The following WDFY3 variants were observed in gnomAD, a reference collection of about 807,000 sequenced individuals.
WDFY3 encodes WD repeat and FYVE domain containing 3.
WDFY3 carries 66 observed loss-of-function variants against 409.6 expected under a neutral mutation model. That is an observed-to-expected ratio of 0.16 (90% confidence interval 0.13 to 0.20). WDFY3 has a LOEUF of 0.20. WDFY3 is among the 10% of genes least tolerant of loss of function. WDFY3 has a pLI of 1.00. For synonymous variants in WDFY3, 1,521 were observed against 1,537.1 expected (o/e 0.99, Z 0.25); for missense variants, 3,031 against 4,298.1 (o/e 0.71, Z 8.24).
intron 26 of WDFY3, among the ~76,000 whole-genome samples, chr4:84,779,249 T>C (rs1375002378): frequency 6.6e-6 from 1 of 152,214 alleles, no homozygotes. Context: ...AATACTATAA[T>C]TAAATCTATA....
chr4:84,706,782 G>A (rs763429757), intron 53 of WDFY3, among the ~76,000 whole-genome samples: 2 of 152,046 alleles, frequency 1.3e-5, no homozygotes, highest in African/African-American at 4.8e-5. Context: ...AATTACAAGA[G>A]AGGGAACTGG....
chr4:84,768,306 T>C (rs1350112560), intron 30 of WDFY3, among the ~76,000 whole-genome samples: 1 of 152,192 alleles, frequency 6.6e-6, no homozygotes, highest in Non-Finnish European at 1.5e-5. Context: ...CAACAGATTT[T>C]TTTCCAACAA....
intron 64 of WDFY3, among the ~76,000 whole-genome samples, chr4:84,679,492 C>A (rs1173567831): frequency 2.0e-5 from 3 of 152,126 alleles, no homozygotes; most frequent in Non-Finnish European, 4.4e-5. Flanking sequence ...GGAATTCAAT[C>A]TCTCACAATC....
In WDFY3 at chr4:84,690,618, C is replaced by T. The variant is rs775129532; in HGVS notation, c.9251G>A (p.Cys3084Tyr). 2.5e-6 allele frequency: 4 copies of T among 1,614,088 alleles called. No individual in the cohort carries two copies. The highest frequency in any genetic ancestry group is 3.4e-6 in the Non-Finnish European group (4 of 1,180,014). ...ECLSEWGQIL[C>Y]AICPNPKLVI... ...CAGCTTGGGGTTGGGGCAGATTGCA[C>T]AGAGAATCTGGCCCCACTCAGACAA... The change falls in exon 61 of 68, where the codon TGT becomes TAT. Residue 3084 changes from cysteine to tyrosine, a missense_variant. Around this residue, in one of 16 missense-constraint regions of WDFY3, gnomAD observed 152 missense variants for 193.5 expected, o/e 0.79. Transcript: ENST00000295888.
chr4:84,938,364 A>G, intron 1 of WDFY3, among the ~76,000 whole-genome samples: 1 of 152,198 alleles, frequency 6.6e-6, no homozygotes, highest in Non-Finnish European at 1.5e-5. Flanking sequence ...TAATGATGAT[A>G]ACCTCAAAAT....
chr4:84,846,464 T>C (rs1169599349), intron 5 of WDFY3, among the ~76,000 whole-genome samples: 1 of 151,878 alleles, frequency 6.6e-6, no homozygotes, highest in African/African-American at 2.4e-5. Context: ...AATTGCCCTG[T>C]GGATGTAAAA....
intron 3 of WDFY3, among the ~76,000 whole-genome samples, chr4:84,861,871 C>G (rs1229251907): frequency 6.6e-6 from 1 of 152,054 alleles, no homozygotes; most frequent in African/African-American, 2.4e-5. Context: ...TAAGTGTAGA[C>G]ACAAAAACAG....
chr4:84,686,307 A>C (rs1473089499), intron 62 of WDFY3, among the ~76,000 whole-genome samples: 1 of 151,230 alleles, frequency 6.6e-6, no homozygotes, highest in Non-Finnish European at 1.5e-5. Flanking sequence ...CTCCATCTCA[A>C]AATAAATAAA....
chr4:84,688,484 A>C (rs2148830521), intron 61 of WDFY3, among the ~76,000 whole-genome samples: 1 of 152,128 alleles, frequency 6.6e-6, no homozygotes, highest in South Asian at 2.1e-4. Context: ...AGCCTGGAGC[A>C]CTCTGGAGGC....
chr4:84,775,248 A>G, intron 27 of WDFY3, 110 bp from the exon 28 acceptor site: 1 of 956,256 alleles, frequency 1.0e-6, no homozygotes, highest in Non-Finnish European at 1.5e-6. Context: ...TATAATTATT[A>G]TCTTGTAAAG....
At chr4:84,906,563 C>T (rs1336089230) in intron 2 of WDFY3, among the ~76,000 whole-genome samples, 2 of 152,076 alleles carry the variant, frequency 1.3e-5, no homozygotes, top group Non-Finnish European at 2.9e-5. Context: ...AAATTGGCTC[C>T]AGGACCCCCA....
At chr4:84,694,691 G>C (rs866004520) in intron 58 of WDFY3, among the ~76,000 whole-genome samples, 7 of 152,188 alleles carry the variant, frequency 4.6e-5, no homozygotes, top group African/African-American at 1.7e-4. Flanking sequence ...CAGCACTTTG[G>C]TAGCTGAGGT....
At chr4:84,905,341 A>AAAAT (rs1191797870) in intron 2 of WDFY3, among the ~76,000 whole-genome samples, 2 of 152,130 alleles carry the variant, frequency 1.3e-5, no homozygotes, top group East Asian at 1.9e-4. Flanking sequence ...ATCTCAATTA[A>AAAAT]AAATAAATAA....
chr4:84,794,610 A>C lies in WDFY3; in HGVS notation c.3396T>G (p.Ser1132=). The change falls in exon 21 of 68, where the codon TCT becomes TCG. Residue 1132 remains serine, a synonymous_variant. Coordinates refer to ENST00000295888, the MANE Select transcript of WDFY3 (RefSeq NM_014991.6). The part of the protein sequence containing the change: ...LLTVVRRANS[S]EQHYVCLAIV... ...TTGCAAGGCACACGTAATGTTGCTCAGAAGAATTTGCTCGGCGCACAACAG... is the reference window on the plus strand; with the variant it reads ...TTGCAAGGCACACGTAATGTTGCTCCGAAGAATTTGCTCGGCGCACAACAG... 1 of 1,614,154 alleles carries C rather than the reference A, an allele frequency of 6.2e-7. No homozygotes were observed. The highest frequency in any genetic ancestry group is 1.7e-5 in the Admixed American group (1 of 60,014).
At chr4:84,790,018 C>T in intron 21 of WDFY3, 111 bp from the exon 22 acceptor site, 1 of 1,154,776 alleles carries the variant, frequency 8.7e-7, no homozygotes, top group Non-Finnish European at 1.2e-6. Flanking sequence ...AATAATGATG[C>T]AGACTGATTT....
chr4:84,746,610 T>TA (rs1333332985), intron 36 of WDFY3, among the ~76,000 whole-genome samples: 1 of 152,170 alleles, frequency 6.6e-6, no homozygotes, highest in African/African-American at 2.4e-5. Flanking sequence ...TTACACTTGT[T>TA]ACTGGTCCTA....
At position 84,780,009 on chromosome 4, in the gene WDFY3, T is replaced by C. The variant is rs1431111099; in HGVS notation, c.4365+99A>G. The C allele has an allele frequency of 7.7e-6, 10 of 1,307,110 alleles. No individual in the cohort carries two copies. The Admixed American group carries it at 1.5e-4, about 20-fold the overall frequency. 81.0% of individuals were successfully genotyped at this position (1,307,110 alleles called of 1,614,324 possible). A position where few individuals can be genotyped will look rare whatever the true frequency, so the allele number is the denominator to read the frequency against. On this transcript the variant is annotated intron_variant, in intron 26 of 67. Coordinates refer to ENST00000295888, the MANE Select transcript of WDFY3 (RefSeq NM_014991.6). ...TGTCTCTTTAAGTTTCCTTGGACAA[T>C]ATAATTCTTCCAGAGTTTCAAACAA...
At position 84,794,637 on chromosome 4, in the gene WDFY3, A is replaced by G. The variant is rs763446818; in HGVS notation, c.3369T>C (p.Leu1123=). The change falls in exon 21 of 68, where the codon CTT becomes CTC. Residue 1123 remains leucine, a synonymous_variant. Coordinates refer to ENST00000295888, the MANE Select transcript of WDFY3 (RefSeq NM_014991.6). ...AAGAATTTGCTCGGCGCACAACAGT[A>G]AGAAGTCTGACAGGGTGGTTATTTG... ...SPPNNHPVRL[L]TVVRRANSSE... The G allele has an allele frequency of 5.0e-6, 8 of 1,614,148 alleles. No individual in the cohort carries two copies. Among genetic ancestry groups the G allele is most frequent in the Non-Finnish European group, 6.8e-6 (8 of 1,180,016 alleles).
intron 1 of WDFY3, among the ~76,000 whole-genome samples, chr4:84,953,203 T>A (rs1286083833): frequency 4.0e-5 from 6 of 151,384 alleles, no homozygotes; most frequent in Non-Finnish European, 7.4e-5. Context: ...AAATATTGCA[T>A]GATCTCACTT....
Sources: allele counts gnomAD v4.1 joint callset (sites outside exome capture counted in the v4.1 genomes callset), GRCh38; gene constraint gnomAD v4.1.1; regional missense constraint gnomAD v4.1.1; transcripts MANE v1.5; gene names NCBI Gene and HGNC (gene_info 2026-07-23, HGNC 2026-07-21).